Variants in EIF4E3 observed in about 807,000 individuals in gnomAD.
EIF4E3 encodes the protein eukaryotic translation initiation factor 4E family member 3.
A neutral mutation model predicts 31.7 loss-of-function variants in EIF4E3; 26 were observed. That is an observed-to-expected ratio of 0.82 (90% CI 0.60 to 1.14). The LOEUF is 1.14. EIF4E3 is among the 50% of genes most tolerant of loss of function. The probability of loss-of-function intolerance (pLI) is 0.00; values close to 1 mark genes in which losing one functional copy is unlikely to be tolerated. For synonymous variants in EIF4E3, 128 were observed against 107.7 expected, an observed-to-expected ratio of 1.19 and a Z score of -1.17; for missense variants, 304 against 270.9, an observed-to-expected ratio of 1.12 and a Z score of -0.86.
chr3:71,691,843 C>T (rs2049067720), intron 5 of EIF4E3, among the ~76,000 whole-genome samples: 1 of 152,118 alleles, frequency 6.6e-6, no homozygotes, highest in Admixed American at 6.5e-5. Flanking sequence ...TGCCAGAGAT[C>T]AATGTTATAT....
At chr3:71,659,795 C>T in the EIF4E3 span, among the ~76,000 whole-genome samples, 2 of 152,212 alleles carry the variant, frequency 1.3e-5, no homozygotes, top group Non-Finnish European at 2.9e-5. Flanking sequence ...TATTTGAGTA[C>T]GAGATAGTCA....
In EIF4E3 at chr3:71,678,362, TGAA is replaced by T. The variant is rs2048890136; in HGVS notation, c.*6317_*6319del. ...CCCTGTGAACTACTACCCTGAAAAA[TGAA>T]GAAGCACAAATTCATAGCAATATAG... On this transcript the variant is annotated 3_prime_UTR_variant, in exon 7 of 7. Transcript: ENST00000425534. The T allele has an allele frequency of 6.6e-6, 1 of 151,976 alleles. No individual in the cohort carries two copies. The highest frequency in any genetic ancestry group is 2.4e-5 in the African/African-American group (1 of 41,384). The allele number at this position is 151,976 out of a possible 1,614,324, so 9.4% of individuals were successfully genotyped here.
At chr3:71,714,185 C>G (rs1051395786) in intron 1 of EIF4E3, among the ~76,000 whole-genome samples, 1 of 150,380 alleles carries the variant, frequency 6.6e-6, no homozygotes, top group Non-Finnish European at 1.5e-5. Flanking sequence ...GCACTCCAGC[C>G]TGGGCAACAA....
At chr3:71,699,271 C>G (rs1016800667) in intron 3 of EIF4E3, among the ~76,000 whole-genome samples, 2 of 152,018 alleles carry the variant, frequency 1.3e-5, no homozygotes, top group Non-Finnish European at 2.9e-5. Flanking sequence ...AAAAAAAACC[C>G]CACAAAAACA....
chr3:71,709,127 A>G (rs2049338020), intron 2 of EIF4E3, among the ~76,000 whole-genome samples: 1 of 152,212 alleles, frequency 6.6e-6, no homozygotes, highest in African/African-American at 2.4e-5. Flanking sequence ...TGCATGTAAG[A>G]GGCTGCCTAA....
chr3:71,671,974 C>T (rs2107982675), downstream of EIF4E3, among the ~76,000 whole-genome samples: 1 of 152,234 alleles, frequency 6.6e-6, no homozygotes, highest in East Asian at 1.9e-4. Flanking sequence ...GATGACAAAG[C>T]TGCTAAGAGG....
At chr3:71,732,998 C>T (rs757838786) in intron 1 of EIF4E3, among the ~76,000 whole-genome samples, 10 of 152,214 alleles carry the variant, frequency 6.6e-5, no homozygotes, top group Non-Finnish European at 1.5e-4. Context: ...TGTTGATTCT[C>T]GTTTCCTTAT....
Position 71,679,139 on chromosome 3 carries a change from G to T in EIF4E3, c.*5543C>A, listed in dbSNP as rs1456650902. 6.6e-6 allele frequency: 1 copy of T among 152,110 alleles called. No homozygotes were observed. The highest frequency in any genetic ancestry group is 1.5e-5 in the Non-Finnish European group (1 of 67,998). 9.4% of individuals were successfully genotyped at this position (152,110 alleles called of 1,614,324 possible). A position where few individuals can be genotyped will look rare whatever the true frequency, so the allele number is the denominator to read the frequency against. On this transcript the variant is annotated 3_prime_UTR_variant, in exon 7 of 7. Coordinates refer to ENST00000425534, the MANE Select transcript of EIF4E3 (RefSeq NM_001134651.2). ...CTGTAAGTTTATTAAAATGTTCAAA[G>T]TCCTTTAATATTCACCATTCATCAT...
At chr3:71,754,424 G>A (rs1328791964), upstream of EIF4E3, 2 of 1,355,080 alleles carry the variant, frequency 1.5e-6, no homozygotes, top group Non-Finnish European at 1.9e-6. This position sits in a 1 kb window ranked among gnomAD's most constrained non-coding sequence, Gnocchi z 5.8. Flanking sequence ...TGGCCATCGC[G>A]CACCACCGCT....
At chr3:71,719,884 C>T (rs1202423896) in intron 1 of EIF4E3, among the ~76,000 whole-genome samples, 5 of 151,884 alleles carry the variant, frequency 3.3e-5, no homozygotes, top group Admixed American at 6.6e-5. Context: ...TGTAGTAGCA[C>T]ATGCCTGTTG....
chr3:71,690,389 A>T (rs915754851), intron 5 of EIF4E3, among the ~76,000 whole-genome samples: 1 of 152,372 alleles, frequency 6.6e-6, no homozygotes, highest in East Asian at 1.9e-4. Context: ...CCAGGGACTT[A>T]GATAAAGTGT....
At position 71,698,172 on chromosome 3, in the gene EIF4E3, G is replaced by A. The variant is rs2049165923; in HGVS notation, c.344+1442C>T. On this transcript the variant is annotated intron_variant, in intron 3 of 6. Coordinates refer to ENST00000425534, the MANE Select transcript of EIF4E3 (RefSeq NM_001134651.2). ...CCCAGTCCTTTTGTTGGATACAGAA[G>A]CAGATTAATGAAAAAGGAAGGAGCT... Among the ~76,000 whole-genome samples the A allele has an allele frequency of 2.6e-5, 4 of 152,194 alleles. No homozygotes were observed. In the South Asian group the frequency reaches 8.3e-4, roughly 31 times the overall value.
chr3:71,693,931 C>A lies in EIF4E3; in HGVS notation c.416G>T (p.Trp139Leu). Residue 139 changes from tryptophan to leucine, a missense_variant, in exon 5 of 7, where the codon TGG becomes TTG. By Grantham distance (61) the Trp-to-Leu change is moderately conservative. Coordinates refer to ENST00000425534, the MANE Select transcript of EIF4E3 (RefSeq NM_001134651.2). ...GATGGTTGCTAACAGCAACTCTTTC[C>A]AAACTGTGGACTGATATGGGAAAAG... ...KVPKDSTSTV[W>L]KELLLATIGE... The A allele has an allele frequency of 6.3e-7, 1 of 1,582,812 alleles. No homozygotes were observed. Among genetic ancestry groups the A allele is most frequent in the South Asian group, 1.2e-5 (1 of 86,890 alleles).
At chr3:71,729,914 C>T (rs540367503), upstream of EIF4E3, among the ~76,000 whole-genome samples, 4 of 152,116 alleles carry the variant, frequency 2.6e-5, no homozygotes, top group South Asian at 8.3e-4. Flanking sequence ...CCTTCTCTAA[C>T]ACTGAGAAGT....
At chr3:71,747,982 T>C (rs553645393) in intron 1 of EIF4E3, among the ~76,000 whole-genome samples, 5 of 152,364 alleles carry the variant, frequency 3.3e-5, no homozygotes, top group East Asian at 1.9e-4. Flanking sequence ...TTTTGAGATA[T>C]GCAGTGATCA....
chr3:71,749,053 A>G (rs1056863010), intron 1 of EIF4E3, among the ~76,000 whole-genome samples: 2 of 152,280 alleles, frequency 1.3e-5, no homozygotes, highest in Non-Finnish European at 2.9e-5. Flanking sequence ...TTATATAGTC[A>G]GGTAAGAGCA....
chr3:71,670,412 A>AC, the EIF4E3 span, among the ~76,000 whole-genome samples: 92 of 147,922 alleles, frequency 6.2e-4, no homozygotes, highest in Non-Finnish European at 7.9e-4. Context: ...CCTCCATTGC[A>AC]CCCCCCCAAC....
chr3:71,668,675 CA>C, the EIF4E3 span, among the ~76,000 whole-genome samples: 1 of 152,086 alleles, frequency 6.6e-6, no homozygotes, highest in East Asian at 1.9e-4. Context: ...TAGAGAAATG[CA>C]AATCAAAACC....
At chr3:71,745,101 T>G (rs1344127636) in intron 1 of EIF4E3, among the ~76,000 whole-genome samples, 4 of 152,236 alleles carry the variant, frequency 2.6e-5, no homozygotes. Context: ...GTCATACTTT[T>G]TATGTGATTT....
Sources: gnomAD v4.1 joint callset for allele counts (sites outside exome capture counted in the v4.1 genomes callset) on GRCh38, gnomAD v4.1.1 for gene constraint, Gnocchi (gnomAD v3.1) non-coding constraint, MANE v1.5 for transcripts, NCBI Gene and HGNC (gene_info 2026-07-23, HGNC 2026-07-21) for gene names.